Variants in ANKS1B observed in about 807,000 individuals in gnomAD.
ANKS1B encodes ankyrin repeat and sterile alpha motif domain containing 1B.
A neutral mutation model predicts 148.3 loss-of-function variants in ANKS1B; 36 were observed. The ratio of observed to expected loss-of-function variants is 0.24; its 90% CI spans 0.19 to 0.32. The LOEUF (loss-of-function observed/expected upper bound fraction) is 0.32, where lower values mean the gene tolerates loss of function less well. ANKS1B is among the 10% of genes least tolerant of loss of function. The pLI is 1.00. For missense variants in ANKS1B, 1,157 were observed against 1,542.6 expected (o/e 0.75, Z 4.19); for synonymous variants, 542 against 560.8 (o/e 0.97, Z 0.47).
At chr12:99,740,059 C>A (rs2059948998) in intron 8 of ANKS1B, among the ~76,000 whole-genome samples, 1 of 152,148 alleles carries the variant, frequency 6.6e-6, no homozygotes, top group African/African-American at 2.4e-5. Context: ...ACCTGCAATC[C>A]AGCACTTTTG....
chr12:99,528,365 T>C (rs550986017), intron 9 of ANKS1B, among the ~76,000 whole-genome samples: 2 of 149,786 alleles, frequency 1.3e-5, no homozygotes, highest in South Asian at 4.2e-4. Flanking sequence ...AAACCAAAAA[T>C]TGACAAACGG....
At chr12:99,376,844 C>T (rs888319526) in intron 12 of ANKS1B, among the ~76,000 whole-genome samples, 3 of 152,034 alleles carry the variant, frequency 2.0e-5, no homozygotes, top group African/African-American at 7.2e-5. Flanking sequence ...TTAATTGCAC[C>T]GTTTGTCCAG....
At position 98,934,800 on chromosome 12, in the gene ANKS1B, A is replaced by G. The variant is rs559165574; in HGVS notation, c.2779-102664T>C. Among the ~76,000 whole-genome samples, 48 of 151,378 alleles carry G rather than the reference A, an allele frequency of 3.2e-4. No individual in the cohort carries two copies. The South Asian group carries it at 9.2e-3, about 29-fold the overall frequency. On this transcript the variant is annotated intron_variant, in intron 17 of 26. Coordinates refer to ENST00000683438, the MANE Select transcript of ANKS1B (RefSeq NM_001352186.2). ...GTGTATAGAAATGCAAGTAATTTTT[A>G]TATATTGATTTGGTATATATCAATA...
chr12:98,973,822 C>T (rs553253859), intron 17 of ANKS1B, among the ~76,000 whole-genome samples: 1 of 152,018 alleles, frequency 6.6e-6, no homozygotes, highest in South Asian at 2.1e-4. Context: ...TTATAGATAT[C>T]TATCTATATC....
At chr12:98,780,257 T>C (rs1191466691) in intron 24 of ANKS1B, among the ~76,000 whole-genome samples, 1 of 152,178 alleles carries the variant, frequency 6.6e-6, no homozygotes, top group Non-Finnish European at 1.5e-5. Flanking sequence ...CCAATGGTGA[T>C]CACCTCTTTT....
intron 11 of ANKS1B, among the ~76,000 whole-genome samples, chr12:99,439,069 T>C (rs1267394603): frequency 1.3e-5 from 2 of 151,788 alleles, no homozygotes; most frequent in Non-Finnish European, 1.5e-5. Flanking sequence ...AATTAAAATA[T>C]GAAAGCAATA....
intron 10 of ANKS1B, among the ~76,000 whole-genome samples, chr12:99,452,890 G>C (rs936047232): frequency 6.6e-6 from 1 of 152,206 alleles, no homozygotes; most frequent in Non-Finnish European, 1.5e-5. Context: ...ATGTGTGGTA[G>C]ACAGCCTCTA....
At chr12:99,287,225 T>G (rs1041593621) in intron 12 of ANKS1B, among the ~76,000 whole-genome samples, 1 of 152,102 alleles carries the variant, frequency 6.6e-6, no homozygotes, top group Admixed American at 6.5e-5. Context: ...TCCATTTGTT[T>G]GGAGGAAAGC....
Position 99,739,246 on chromosome 12 carries a change from T to A in ANKS1B, c.1128+33676A>T, listed in dbSNP as rs184145384. 1.4e-3 allele frequency among the ~76,000 whole-genome samples: 217 copies of A among 150,072 alleles called. 1 individual carries two copies. Among genetic ancestry groups the A allele is most frequent in the Non-Finnish European group, 2.3e-3 (157 of 67,806 alleles). ...CCACTTTGAAGTATGGCATCTAGTA[T>A]CTTGGGGCTTCAAAAGAAACTTCCA... On this transcript the variant is annotated intron_variant, in intron 8 of 26. Transcript: ENST00000683438.
chr12:99,246,188 A>C, intron 13 of ANKS1B, 87 bp downstream of exon 13: 1 of 1,023,292 alleles, frequency 9.8e-7, no homozygotes, highest in Non-Finnish European at 1.4e-6. Context: ...TTGCTTTTGA[A>C]AGAGCTAAAA....
intron 17 of ANKS1B, among the ~76,000 whole-genome samples, chr12:98,959,734 GC>G (rs1446731620): frequency 6.6e-6 from 1 of 152,126 alleles, no homozygotes; most frequent in Non-Finnish European, 1.5e-5. Flanking sequence ...CTTGCCCTGG[GC>G]CAGAACGGAG....
At chr12:99,948,406 G>A (rs1297847696) in intron 1 of ANKS1B, among the ~76,000 whole-genome samples, 1 of 151,508 alleles carries the variant, frequency 6.6e-6, no homozygotes, top group Admixed American at 6.6e-5. Context: ...AAAAGGCAGA[G>A]GCAAAAGACA....
intron 9 of ANKS1B, among the ~76,000 whole-genome samples, chr12:99,648,972 G>T (rs958098375): frequency 6.6e-6 from 1 of 152,080 alleles, no homozygotes; most frequent in Admixed American, 6.5e-5. Context: ...GCTTCTCCAG[G>T]GTTCTCCAAG....
At chr12:98,912,698 C>A (rs1032746275) in intron 17 of ANKS1B, among the ~76,000 whole-genome samples, 3 of 152,192 alleles carry the variant, frequency 2.0e-5, no homozygotes, top group Non-Finnish European at 2.9e-5. Flanking sequence ...CTTCATTTTG[C>A]AACTCTGGTT....
intron 12 of ANKS1B, among the ~76,000 whole-genome samples, chr12:99,347,863 C>T (rs2090930478): frequency 6.6e-6 from 1 of 151,768 alleles, no homozygotes; most frequent in South Asian, 2.1e-4. Flanking sequence ...TGTGAACTGT[C>T]CCTGAGGAAT....
intron 1 of ANKS1B, among the ~76,000 whole-genome samples, chr12:99,857,603 AC>A (rs1011926873): frequency 2.6e-5 from 4 of 152,134 alleles, no homozygotes; most frequent in Admixed American, 1.3e-4. Flanking sequence ...AAAAGAACAT[AC>A]CTGGAGGCAT....
chr12:99,770,309 G>T (rs929262883), intron 8 of ANKS1B, among the ~76,000 whole-genome samples: 1 of 151,250 alleles, frequency 6.6e-6, no homozygotes. Context: ...AGTCTCCTTA[G>T]GATAGGTGTT....
At chr12:99,567,792 G>T (rs149379601) in intron 9 of ANKS1B, among the ~76,000 whole-genome samples, 110 of 152,216 alleles carry the variant, frequency 7.2e-4, no homozygotes, top group African/African-American at 2.5e-3. Flanking sequence ...AATTTCAAAA[G>T]ACCATAACTG....
At chr12:98,945,086 G>C (rs2099843020) in intron 17 of ANKS1B, among the ~76,000 whole-genome samples, 1 of 152,152 alleles carries the variant, frequency 6.6e-6, no homozygotes, top group Non-Finnish European at 1.5e-5. Context: ...GGGGTGATAA[G>C]CTTTTCTGTA....
Sources: allele counts gnomAD v4.1 joint callset (sites outside exome capture counted in the v4.1 genomes callset), GRCh38; gene constraint gnomAD v4.1.1; transcripts MANE v1.5; gene names NCBI Gene and HGNC (gene_info 2026-07-23, HGNC 2026-07-21).